Variants in SMG1 observed in about 807,000 individuals in gnomAD.
SMG1 encodes SMG1 nonsense mediated mRNA decay associated PI3K related kinase, also known as serine/threonine-protein kinase SMG1.
In SMG1, 22 loss-of-function variants were observed where a neutral mutation model predicts 419.9. The ratio of observed to expected loss-of-function variants is 0.05; its 90% CI spans 0.04 to 0.07. SMG1 has a LOEUF of 0.07. SMG1 is among the 10% of genes least tolerant of loss of function. The pLI, the probability that SMG1 is intolerant of heterozygous loss-of-function variation, is 1.00. For missense variants in SMG1, 3,185 were observed against 4,342.0 expected, an observed-to-expected ratio of 0.73 and a Z score of 7.49; for synonymous variants, 1,538 against 1,553.5, an observed-to-expected ratio of 0.99 and a Z score of 0.23.
chr16:18,848,168 GATTAAA>G, intron 36 of SMG1, 135 bp from the exon 37 acceptor site: 1 of 689,404 alleles, frequency 1.5e-6, no homozygotes, highest in Non-Finnish European at 2.4e-6. Flanking sequence ...GCATAGAACT[GATTAAA>G]GATTGTGGAT....
intron 54 of SMG1, among the ~76,000 whole-genome samples, 191 bp from the exon 55 acceptor site, chr16:18,828,359 G>A (rs1373975996): frequency 4.6e-5 from 7 of 152,160 alleles, no homozygotes; most frequent in Admixed American, 3.9e-4. Context: ...GACTTCTTGA[G>A]GTAGAACATG....
chr16:18,874,829 G>A (rs553656911), intron 13 of SMG1, among the ~76,000 whole-genome samples: 9 of 113,108 alleles, frequency 8.0e-5, no homozygotes, highest in Admixed American at 3.7e-4. Context: ...TTGCACCACT[G>A]CACTCCAGCC....
chr16:18,849,620 C>G (rs1039929005), intron 35 of SMG1, among the ~76,000 whole-genome samples: 1 of 152,150 alleles, frequency 6.6e-6, no homozygotes, highest in Non-Finnish European at 1.5e-5. Flanking sequence ...AAAAATGTTA[C>G]GGAGAAATGT....
At chr16:18,837,556 G>GA in intron 45 of SMG1, 113 bp from the exon 46 acceptor site, 2 of 870,386 alleles carry the variant, frequency 2.3e-6, no homozygotes, top group Non-Finnish European at 3.5e-6. Context: ...ACCCGAAAGG[G>GA]GTGATGCGTT....
chr16:18,895,923 A>C (rs2037103264), intron 3 of SMG1, 129 bp downstream of exon 3: 1 of 974,052 alleles, frequency 1.0e-6, no homozygotes, highest in Admixed American at 2.1e-5. Flanking sequence ...GAATGTAAAC[A>C]ATTTTTACCT....
chr16:18,809,553 TCTA>T lies in SMG1; in HGVS notation c.*13_*15del. The T allele has an allele frequency of 6.2e-7, 1 of 1,600,216 alleles. No individual in the cohort carries two copies. The highest frequency in any genetic ancestry group is 8.5e-7 in the Non-Finnish European group (1 of 1,170,080). ...GTCTGACCTCGCTTAACCAGACTCATCTACTGTCTTGCCATTCACACCCAGGCT... is the reference window on the plus strand; with the variant it reads ...GTCTGACCTCGCTTAACCAGACTCATCTGTCTTGCCATTCACACCCAGGCT... On this transcript the variant is annotated 3_prime_UTR_variant, in exon 63 of 63. Coordinates refer to ENST00000446231, the MANE Select transcript of SMG1 (RefSeq NM_015092.5).
chr16:18,905,694 C>T (rs1392259553), intron 1 of SMG1, among the ~76,000 whole-genome samples: 4 of 150,902 alleles, frequency 2.7e-5, no homozygotes, highest in Admixed American at 6.6e-5. Flanking sequence ...CTCACTGCAA[C>T]CTCCACCTCC....
At chr16:18,921,567 C>G (rs376192544) in intron 1 of SMG1, among the ~76,000 whole-genome samples, 1 of 152,212 alleles carries the variant, frequency 6.6e-6, no homozygotes, top group African/African-American at 2.4e-5. Flanking sequence ...TAATATTAGA[C>G]TGGTGTGAAA....
intron 56 of SMG1, among the ~76,000 whole-genome samples, chr16:18,817,757 G>A (rs1175574126): frequency 6.6e-6 from 1 of 152,230 alleles, no homozygotes; most frequent in Admixed American, 6.5e-5. Context: ...CCACAATAAA[G>A]CTGTTATATT....
chr16:18,880,735 G>A (rs2036351529), intron 10 of SMG1, among the ~76,000 whole-genome samples: 1 of 129,864 alleles, frequency 7.7e-6, no homozygotes, highest in Non-Finnish European at 1.6e-5. Context: ...GGGGGGCGCG[G>A]AGGGGGAAGC....
intron 9 of SMG1, among the ~76,000 whole-genome samples, chr16:18,883,327 C>T (rs1007152373): frequency 7.2e-5 from 11 of 152,208 alleles, no homozygotes; most frequent in African/African-American, 2.4e-4. Flanking sequence ...CGTACAGCCA[C>T]AAAAGCTGGC....
rs376565094 is a variant in SMG1, at chr16:18,850,022, G to C, written c.5388C>G (p.Leu1796=). 6 of 1,613,820 alleles carry C rather than the reference G, an allele frequency of 3.7e-6. No individual in the cohort carries two copies. The highest frequency in any genetic ancestry group is 5.1e-6 in the Non-Finnish European group (6 of 1,179,896). ...VMATLRLLRL[L]VKHAGELRQY... The stretch of plus-strand genomic sequence containing the variant: ...GCCGAAGCTCACCAGCATGCTTCAC[G>C]AGCAACCGCAGCAGGCGCAATGTGG... Residue 1796 remains leucine, a synonymous_variant, in exon 35 of 63, where the codon CTC becomes CTG. Transcript: ENST00000446231.
chr16:18,857,364 G>A (rs1450712734), intron 29 of SMG1: 2 of 152,168 alleles, frequency 1.3e-5, no homozygotes, highest in Non-Finnish European at 2.9e-5. Context: ...TTCATTTGGA[G>A]TATTTAAAAC....
In SMG1 at chr16:18,841,723, T is replaced by C. The variant is rs1244423074; in HGVS notation, c.6538A>G (p.Ile2180Val). 1.2e-6 allele frequency: 2 copies of C among 1,614,018 alleles called. No individual in the cohort carries two copies. Among genetic ancestry groups the C allele is most frequent in the Admixed American group, 1.7e-5 (1 of 60,024 alleles). The part of the protein sequence containing the change: ...LSIVNTMFAT[I>V]NRQETPRFHA... ...AACCGGGGTGTTTCTTGGCGATTAA[T>C]TGTAGCAAACATGGTATTCACAATA... is the stretch of plus-strand genomic sequence containing the variant. The change falls in exon 41 of 63, where the codon ATT becomes GTT. Residue 2180 changes from isoleucine (I) to valine (V), a missense_variant. Around this residue, in one of 27 missense-constraint regions of SMG1, gnomAD observed 35 missense variants for 33.8 expected, o/e 1.04. Transcript: ENST00000446231.
chr16:18,849,112 C>CAAAAAAA, intron 36 of SMG1, 105 bp downstream of exon 36: 1 of 257,398 alleles, frequency 3.9e-6, no homozygotes, highest in Non-Finnish European at 6.3e-6. Flanking sequence ...AAAAACCCTA[C>CAAAAAAA]AAACTCTAAC....
rs369653156 is a variant in SMG1, at chr16:18,905,276, A to T, written c.93-8320T>A. Among the ~76,000 whole-genome samples the T allele has an allele frequency of 1.3e-4, 20 of 152,208 alleles. No individual in the cohort carries two copies. In the East Asian group the frequency reaches 1.7e-3, roughly 13 times the overall value. ...ACTCTGACTCAAAACAAAAAACAAA[A>T]AACAAAAAAACCCTTTAACTGCCTT... is the stretch of plus-strand genomic sequence containing the variant. On this transcript the variant is annotated intron_variant, in intron 1 of 62. Transcript: ENST00000446231.
Position 18,853,856 on chromosome 16 carries a change from G to A in SMG1, c.4495C>T (p.His1499Tyr). ...CAAGAACTCAACATTTCCATTGCATGTGTTGACTGGCCTACAGAAAACCAC... is the reference window on the plus strand; with the variant it reads ...CAAGAACTCAACATTTCCATTGCATATGTTGACTGGCCTACAGAAAACCAC... The part of the protein sequence containing the change: ...KLLYTAGQST[H>Y]AMEMLSSCAI... The change falls in exon 31 of 63, where the codon CAT becomes TAT. Residue 1499 changes from histidine (H) to tyrosine (Y), a missense_variant. His to Tyr is a moderately conservative substitution (Grantham distance 83, BLOSUM62 2). Around this residue, in one of 27 missense-constraint regions of SMG1, gnomAD observed 493 missense variants for 552.9 expected, o/e 0.89. Transcript: ENST00000446231. 1 of 1,610,138 alleles carries A rather than the reference G, an allele frequency of 6.2e-7. No individual in the cohort carries two copies. The highest frequency in any genetic ancestry group is 1.1e-5 in the South Asian group (1 of 90,556).
chr16:18,815,636 G>C lies in SMG1; in HGVS notation c.10318C>G (p.Leu3440Val). Residue 3440 changes from leucine to valine, a missense_variant, in exon 59 of 63, where the codon CTG (leucine) becomes GTG (valine). Physicochemically the swap from Leu to Val is conservative, Grantham distance 32. Coordinates refer to ENST00000446231, the MANE Select transcript of SMG1 (RefSeq NM_015092.5). ...TAGGGAACATCTTCACCATCTGCCA[G>C]AGCAGCTTCTTCATCCTAGAATTGA... ...KAMAKDEEAA[L>V]ADGEDVPYEN... is the part of the protein sequence containing the mutation. The C allele has an allele frequency of 6.2e-7, 1 of 1,613,672 alleles. No individual in the cohort carries two copies. The highest frequency in any genetic ancestry group is 8.5e-7 in the Non-Finnish European group (1 of 1,179,720).
In SMG1 at chr16:18,864,130, G is replaced by A. The variant is rs772884898; in HGVS notation, c.3365C>T (p.Ser1122Phe). ...QQAEGRFEKA[S>F]VEYQEHLCAM... is the part of the protein sequence containing the mutation. ...ACACAGGTGTTCCTGGTACTCCACA[G>A]AGGCCTTTTCAAACCTGAAAAGCAA... Residue 1122 changes from serine (S) to phenylalanine (F), a missense_variant, in exon 24 of 63, where the codon TCT becomes TTT. By Grantham distance (155) the Ser-to-Phe change is radical (BLOSUM62 -2). Coordinates refer to ENST00000446231, the MANE Select transcript of SMG1 (RefSeq NM_015092.5). 5 of 1,535,556 alleles carry A rather than the reference G, an allele frequency of 3.3e-6. No homozygotes were observed. The highest frequency in any genetic ancestry group is 4.2e-5 in the Admixed American group (2 of 47,530).
Sources: gnomAD v4.1 joint callset for allele counts (sites outside exome capture counted in the v4.1 genomes callset) on GRCh38, gnomAD v4.1.1 for gene constraint, gnomAD v4.1.1 regional missense constraint, MANE v1.5 for transcripts, NCBI Gene and HGNC (gene_info 2026-07-23, HGNC 2026-07-21) for gene names.